APP: variants seen among roughly 807,000 people sequenced by gnomAD.
The protein encoded by APP is amyloid-beta precursor protein.
In APP, 31 loss-of-function variants were observed where a neutral mutation model predicts 101.4. The ratio of observed to expected loss-of-function variants is 0.31; its 90% CI spans 0.23 to 0.41. APP has a LOEUF of 0.41. Among genes scored for constraint, APP ranks in the 10% least tolerant of loss-of-function variants. The probability of loss-of-function intolerance (pLI) is 1.00; values close to 1 mark genes in which losing one functional copy is unlikely to be tolerated. For missense variants in APP, 839 were observed against 1,003.7 expected (o/e 0.84, Z 2.22); for synonymous variants, 366 against 364.4 (o/e 1.00, Z -0.05).
At chr21:26,043,844 C>T (rs1601307075) in intron 5 of APP, among the ~76,000 whole-genome samples, 1 of 152,106 alleles carries the variant, frequency 6.6e-6, no homozygotes, top group Non-Finnish European at 1.5e-5. Context: ...GATATTCTCA[C>T]TTTATCCATT....
intron 15 of APP, among the ~76,000 whole-genome samples, chr21:25,900,378 CAAAAAAAAAAAA>C (rs60231150): frequency 1.0e-4 from 6 of 59,458 alleles, no homozygotes; most frequent in East Asian, 5.1e-4. Context: ...ACTAAAAATA[CAAAAAAAAAAAA>C]AAAAAAAAAA....
At chr21:25,902,140 T>G (rs980370913) in intron 15 of APP, among the ~76,000 whole-genome samples, 1 of 152,186 alleles carries the variant, frequency 6.6e-6, no homozygotes, top group Admixed American at 6.5e-5. Context: ...GAAGCCATTT[T>G]CCTCAGTCAT....
At chr21:25,988,140 C>G (rs2042707652) in intron 8 of APP, among the ~76,000 whole-genome samples, 1 of 152,016 alleles carries the variant, frequency 6.6e-6, no homozygotes, top group African/African-American at 2.4e-5. Flanking sequence ...ACATGGCAGG[C>G]AGATGACAAA....
At chr21:25,928,386 A>G (rs1449886607) in intron 13 of APP, among the ~76,000 whole-genome samples, 1 of 150,492 alleles carries the variant, frequency 6.6e-6, no homozygotes, top group Admixed American at 6.6e-5. Flanking sequence ...AACCAAGTTT[A>G]TATACTACAG....
intron 3 of APP, among the ~76,000 whole-genome samples, chr21:26,073,457 G>C (rs2061445045): frequency 1.3e-5 from 2 of 151,394 alleles, no homozygotes; most frequent in African/African-American, 4.9e-5. Context: ...TCATTCCCTG[G>C]AGCTCAAGGA....
intron 15 of APP, among the ~76,000 whole-genome samples, chr21:25,903,107 C>T (rs1318267998): frequency 6.6e-6 from 1 of 151,896 alleles, no homozygotes; most frequent in Non-Finnish European, 1.5e-5. Flanking sequence ...GTGCTTATGC[C>T]TGTAATCCCA....
chr21:26,170,444 G>T (rs1278304952), intron 1 of APP, 120 bp downstream of exon 1: 1 of 1,073,014 alleles, frequency 9.3e-7, no homozygotes, highest in Admixed American at 2.3e-5. Flanking sequence ...GGGCGGAGAG[G>T]AGAGGGGTCC....
chr21:26,127,464 T>C (rs1322868467), intron 1 of APP, among the ~76,000 whole-genome samples: 1 of 152,202 alleles, frequency 6.6e-6, no homozygotes. Context: ...TCAAAAGCCC[T>C]ATGAAAATAT....
intron 11 of APP, among the ~76,000 whole-genome samples, chr21:25,965,273 C>T (rs116160773): frequency 6.6e-6 from 1 of 152,254 alleles, no homozygotes; most frequent in African/African-American, 2.4e-5. Flanking sequence ...AAGATATGTT[C>T]GACTAACTCG....
chr21:25,955,320 A>G (rs1569102590), intron 12 of APP, among the ~76,000 whole-genome samples: 1 of 152,176 alleles, frequency 6.6e-6, no homozygotes, highest in Admixed American at 6.6e-5. Flanking sequence ...CAGTTGAACC[A>G]GTTTTCAAGA....
chr21:26,051,625 C>A (rs2045843426), intron 4 of APP, among the ~76,000 whole-genome samples: 1 of 152,162 alleles, frequency 6.6e-6, no homozygotes, highest in South Asian at 2.1e-4. Flanking sequence ...CATGGACCTG[C>A]CTTATCCTAG....
At chr21:25,981,004 G>A (rs1360721543) in intron 9 of APP, among the ~76,000 whole-genome samples, 4 of 152,194 alleles carry the variant, frequency 2.6e-5, no homozygotes, top group Non-Finnish European at 5.9e-5. Flanking sequence ...TGGGGCATGA[G>A]GTTGTCCCTA....
chr21:25,893,358 A>G (rs1196164797), intron 16 of APP, among the ~76,000 whole-genome samples: 1 of 152,184 alleles, frequency 6.6e-6, no homozygotes, highest in Non-Finnish European at 1.5e-5. Context: ...CAGGTCTCTC[A>G]CTTTAAAGCA....
intron 1 of APP, among the ~76,000 whole-genome samples, chr21:26,167,200 CTTTG>C (rs2063636370): frequency 6.6e-6 from 1 of 152,088 alleles, no homozygotes; most frequent in East Asian, 1.9e-4. Context: ...GTACATTCCA[CTTTG>C]TTTTATTATC....
chr21:26,050,886 T>A lies in APP; in HGVS notation c.662+114A>T, dbSNP rs558109728. Reference sequence around the variant, plus strand: ...ATTTTTGCATAACAGCAGACTCTGATGGGAGTGGGCAGAGACCTTTTCAGT... The same window carrying A: ...ATTTTTGCATAACAGCAGACTCTGAAGGGAGTGGGCAGAGACCTTTTCAGT... On this transcript the variant is annotated intron_variant, in intron 5 of 17. Transcript: ENST00000346798. The A allele has an allele frequency of 6.3e-5, 81 of 1,288,774 alleles. 1 individual carries two copies. The South Asian group carries it at 1.0e-3, about 16-fold the overall frequency. The allele number at this position is 1,288,774 out of a possible 1,614,324, so 79.8% of individuals were successfully genotyped here. A position where few individuals can be genotyped will look rare whatever the true frequency, so the allele number is the denominator to read the frequency against.
intron 3 of APP, among the ~76,000 whole-genome samples, chr21:26,062,767 T>C (rs1004636387): frequency 6.6e-6 from 1 of 151,976 alleles, no homozygotes; most frequent in Non-Finnish European, 1.5e-5. Flanking sequence ...ATATTTTTTA[T>C]TTTTTATTTT....
intron 11 of APP, among the ~76,000 whole-genome samples, chr21:25,956,524 C>T (rs781009022): frequency 7.9e-5 from 12 of 152,222 alleles, no homozygotes; most frequent in Non-Finnish European, 1.6e-4. Context: ...CATTCCACTA[C>T]ATGATTTTGT....
rs200154864 is a variant in APP, at chr21:25,881,562, A to C, written c.*108T>G. The C allele has an allele frequency of 3.1e-6, 4 of 1,292,306 alleles. No individual in the cohort carries two copies. Among genetic ancestry groups the C allele is most frequent in the Non-Finnish European group, 4.5e-6 (4 of 895,864 alleles). 80.1% of individuals were successfully genotyped at this position (1,292,306 alleles called of 1,614,324 possible). The stretch of plus-strand genomic sequence containing the variant: ...AGCTGTCAAAAGGCGATAATGAGTA[A>C]ATCATAAAACGGGTTTGTTTCTTCC... On this transcript the variant is annotated 3_prime_UTR_variant, in exon 18 of 18. Transcript: ENST00000346798.
chr21:26,047,801 AAC>A (rs1270621496), intron 5 of APP, among the ~76,000 whole-genome samples: 1 of 152,208 alleles, frequency 6.6e-6, no homozygotes, highest in Non-Finnish European at 1.5e-5. Context: ...GTAACTATCA[AAC>A]ACAGTGTGTG....
Sources: gnomAD v4.1 joint callset for allele counts (sites outside exome capture counted in the v4.1 genomes callset) on GRCh38, gnomAD v4.1.1 for gene constraint, MANE v1.5 for transcripts, NCBI Gene and HGNC (gene_info 2026-07-23, HGNC 2026-07-21) for gene names.